The following AACS variants were observed in gnomAD, a reference collection of about 807,000 sequenced individuals.
AACS encodes the protein acetoacetate-CoA ligase.
Under a neutral mutation model 83.1 loss-of-function variants are expected in AACS, and 69 were observed. The observed-to-expected ratio is 0.83, with a 90% CI of 0.68 to 1.01. The LOEUF is 1.01. Ranked by LOEUF, AACS falls within the 50% of genes least tolerant of loss-of-function variation. The probability of loss-of-function intolerance (pLI) is 0.00; values close to 1 mark genes in which losing one functional copy is unlikely to be tolerated. For missense variants in AACS, 866 were observed against 882.2 expected, an observed-to-expected ratio of 0.98 and a Z score of 0.23; for synonymous variants, 333 against 343.4, an observed-to-expected ratio of 0.97 and a Z score of 0.33.
Position 125,065,564 on chromosome 12 carries a change from C to T in AACS, c.-21C>T, listed in dbSNP as rs1265709156. ...CCCTGGTCCCCAGCCCTCGTCGCAGCCCCGGCCGCCCGCCGCCGCCATGTC... is the reference window on the plus strand; with the variant it reads ...CCCTGGTCCCCAGCCCTCGTCGCAGTCCCGGCCGCCCGCCGCCGCCATGTC... On this transcript the variant is annotated 5_prime_UTR_variant, in exon 1 of 18. Coordinates refer to ENST00000316519, the MANE Select transcript of AACS (RefSeq NM_023928.5). 1.5e-5 allele frequency: 22 copies of T among 1,502,990 alleles called. No individual in the cohort carries two copies. Among genetic ancestry groups the T allele is most frequent in the African/African-American group, 2.9e-5 (2 of 68,624 alleles). 93.1% of individuals were successfully genotyped at this position (1,502,990 alleles called of 1,614,324 possible).
chr12:125,076,960 C>G (rs1359917239), intron 3 of AACS, among the ~76,000 whole-genome samples: 1 of 151,954 alleles, frequency 6.6e-6, no homozygotes, highest in African/African-American at 2.4e-5. Flanking sequence ...CTGGAGTGCA[C>G]TGGCATGATC....
chr12:125,074,240 T>C (rs1955956986), intron 2 of AACS, among the ~76,000 whole-genome samples: 1 of 152,084 alleles, frequency 6.6e-6, no homozygotes, highest in Non-Finnish European at 1.5e-5. Context: ...TGTTTGTTTG[T>C]TTGTTTGTTT....
In AACS at chr12:125,129,529, G is replaced by A. The variant is rs1957299069; in HGVS notation, c.1549+69G>A. 4.5e-6 allele frequency: 7 copies of A among 1,554,024 alleles called. No homozygotes were observed. Among genetic ancestry groups the A allele is most frequent in the Middle Eastern group, 1.7e-4 (1 of 5,802 alleles). On this transcript the variant is annotated intron_variant, in intron 14 of 17. Coordinates refer to ENST00000316519, the MANE Select transcript of AACS (RefSeq NM_023928.5). This position sits in a 1 kb window ranked among gnomAD's most constrained non-coding sequence, Gnocchi z 4.3. ...GGCTGGGCCTTCTGTGTCTAATTCTGTACCATCGTGCCCCTCCCCTCTTCC... is the reference window on the plus strand; with the variant it reads ...GGCTGGGCCTTCTGTGTCTAATTCTATACCATCGTGCCCCTCCCCTCTTCC...
At chr12:125,091,067 C>T (rs1028574139) in intron 4 of AACS, 25 of 304,516 alleles carry the variant, frequency 8.2e-5, no homozygotes, top group Admixed American at 7.2e-4. Flanking sequence ...TGCTGGTGTG[C>T]GTGGAGGAGT....
intron 1 of AACS, among the ~76,000 whole-genome samples, chr12:125,067,765 C>G (rs988624667): frequency 6.6e-6 from 1 of 152,110 alleles, no homozygotes; most frequent in Non-Finnish European, 1.5e-5. Context: ...AACTCCTGAC[C>G]TCAGGTGATC....
chr12:125,112,985 A>G (rs1956985041), intron 8 of AACS, among the ~76,000 whole-genome samples: 1 of 152,234 alleles, frequency 6.6e-6, no homozygotes, highest in African/African-American at 2.4e-5. Flanking sequence ...GAATTATGGG[A>G]ATACAATTCA....
Position 125,103,005 on chromosome 12 carries a change from C to T in AACS, c.691C>T (p.Pro231Ser), listed in dbSNP as rs777020829. Residue 231 changes from proline (P) to serine (S), a missense_variant, in exon 7 of 18, where the codon CCA becomes TCA. By Grantham distance (74) the Pro-to-Ser change is moderately conservative (BLOSUM62 -1). Transcript: ENST00000316519. ...TCTCCTCTCGCTCCTTCCAGGCCTACCAGACTTGAAGAAAGTGGTGGTGAT... is the reference window on the plus strand; with the variant it reads ...TCTCCTCTCGCTCCTTCCAGGCCTATCAGACTTGAAGAAAGTGGTGGTGAT... ...EKLQQVVKGLPDLKKVVVIPY... is the reference protein window; with the variant it reads ...EKLQQVVKGLSDLKKVVVIPY... The T allele has an allele frequency of 2.5e-6, 4 of 1,613,634 alleles. No individual in the cohort carries two copies. In the South Asian group the frequency reaches 3.3e-5, roughly 13 times the overall value.
At chr12:125,098,866 C>T (rs1285440313) in intron 5 of AACS, among the ~76,000 whole-genome samples, 1 of 152,228 alleles carries the variant, frequency 6.6e-6, no homozygotes, top group African/African-American at 2.4e-5. Context: ...TTTCTGGTGA[C>T]TTTCACAGAT....
At chr12:125,085,464 C>T (rs77426244) in intron 3 of AACS, among the ~76,000 whole-genome samples, 23,535 of 152,038 alleles carry the variant, frequency 0.15, 1,935 homozygotes, top group Middle Eastern at 0.25. Flanking sequence ...GTTGCATCCA[C>T]GTGTGTTTCG....
chr12:125,107,754 G>A (rs1049602644), intron 8 of AACS, among the ~76,000 whole-genome samples: 2 of 152,176 alleles, frequency 1.3e-5, no homozygotes, highest in African/African-American at 4.8e-5. Flanking sequence ...TTGAGCCCAG[G>A]AGTTTGAGAC....
intron 3 of AACS, among the ~76,000 whole-genome samples, chr12:125,080,002 G>A (rs1204714156): frequency 6.6e-6 from 1 of 152,140 alleles, no homozygotes; most frequent in African/African-American, 2.4e-5. Flanking sequence ...GTGTTACCAA[G>A]GTTCATCCAC....
In AACS at chr12:125,129,600, A is replaced by G; in HGVS notation, c.1549+140A>G. The G allele has an allele frequency of 7.2e-6, 8 of 1,107,288 alleles. No individual in the cohort carries two copies. Among genetic ancestry groups the G allele is most frequent in the African/African-American group, 1.6e-5 (1 of 62,926 alleles). The allele number at this position is 1,107,288 out of a possible 1,614,324, so 68.6% of individuals were successfully genotyped here. A position where few individuals can be genotyped will look rare whatever the true frequency, so the allele number is the denominator to read the frequency against. On this transcript the variant is annotated intron_variant, in intron 14 of 17. Coordinates refer to ENST00000316519, the MANE Select transcript of AACS (RefSeq NM_023928.5). This position sits in a 1 kb window ranked among gnomAD's most constrained non-coding sequence, Gnocchi z 4.3. ...GAAGCTGCTTATAGTTCATTCCGCC[A>G]GTGGGGGGATAATGAATTTTTGATC...
At chr12:125,132,805 G>A (rs1941718704) in intron 14 of AACS, among the ~76,000 whole-genome samples, 1 of 152,168 alleles carries the variant, frequency 6.6e-6, no homozygotes, top group African/African-American at 2.4e-5. Flanking sequence ...CCCATAGAAG[G>A]CTTGGTGGTG....
chr12:125,118,817 G>A lies in AACS; in HGVS notation c.1121+52G>A, dbSNP rs113075195. The A allele has an allele frequency of 5.1e-4, 825 of 1,602,650 alleles. 6 individuals carry two copies. The African/African-American group carries it at 9.1e-3, about 18-fold the overall frequency. ...GCAAGGGACAGGCAGCACCAGGAAG[G>A]CTCCTTGGGATCAGATGCAGAGCTG... On this transcript the variant is annotated intron_variant, in intron 10 of 17. Transcript: ENST00000316519.
chr12:125,128,273 A>T lies in AACS; in HGVS notation c.1422A>T (p.Glu474Asp). The change falls in exon 13 of 18, where the codon GAA (glutamate) becomes GAT (aspartate). Residue 474 changes from glutamate to aspartate, a missense_variant and splice_region_variant. Transcript: ENST00000316519. ...TGGCCGTGGAAGCGTGGAACGAGGA[A>T]GGTGATGGCTCCACCAACTGTTTCT... ...LGMAVEAWNE[E>D]GKAVWGESGE... 6.2e-7 allele frequency: 1 copy of T among 1,610,826 alleles called. No homozygotes were observed. The highest frequency in any genetic ancestry group is 2.2e-5 in the East Asian group (1 of 44,750).
In AACS at chr12:125,094,739, C is replaced by T. The variant is rs1422118012; in HGVS notation, c.570+3216C>T. On this transcript the variant is annotated intron_variant, in intron 5 of 17. Transcript: ENST00000316519. This position sits in a 1 kb window ranked among gnomAD's most constrained non-coding sequence, Gnocchi z 4.1. ...CTTGCCTTACTAATGCTTTTGGGCT[C>T]GAAGGGCATCGCCAGGTTGGGGAAG... 6.6e-6 allele frequency among the ~76,000 whole-genome samples: 1 copy of T among 152,198 alleles called. No individual in the cohort carries two copies. Among genetic ancestry groups the T allele is most frequent in the Admixed American group, 6.5e-5 (1 of 15,278 alleles).
intron 2 of AACS, among the ~76,000 whole-genome samples, chr12:125,074,450 G>A (rs1156807582): frequency 6.6e-6 from 1 of 151,930 alleles, no homozygotes; most frequent in Non-Finnish European, 1.5e-5. Context: ...AGGAGGCTGA[G>A]GTGGGAGGAT....
chr12:125,130,069 G>A lies in AACS; in HGVS notation c.1549+609G>A, dbSNP rs532106836. Among the ~76,000 whole-genome samples, 15 of 152,120 alleles carry A rather than the reference G, an allele frequency of 9.9e-5. No homozygotes were observed. The highest frequency in any genetic ancestry group is 2.1e-4 in the Non-Finnish European group (14 of 68,014). On this transcript the variant is annotated intron_variant, in intron 14 of 17. Transcript: ENST00000316519. This position sits in a 1 kb window ranked among gnomAD's most constrained non-coding sequence, Gnocchi z 4.9. The stretch of plus-strand genomic sequence containing the variant: ...CTAATCTTATTTCATAAGCAGTCTC[G>A]AGTTACTGCTGCTATATAATTCATC...
At position 125,140,991 on chromosome 12, in the gene AACS, A is replaced by ATAG. The variant is rs1593018109; in HGVS notation, c.1882-1097_1882-1095dup. 1 of 152,262 alleles carries ATAG rather than the reference A, an allele frequency of 6.6e-6. No homozygotes were observed. Among genetic ancestry groups the ATAG allele is most frequent in the African/African-American group, 2.4e-5 (1 of 41,466 alleles). The allele number at this position is 152,262 out of a possible 1,614,324, so 9.4% of individuals were successfully genotyped here. ...AATAAAAGTAAAATCATCATAAAACATAGTAGCTAGGCACTTCTGAAGCTG... is the reference window on the plus strand; with the variant it reads ...AATAAAAGTAAAATCATCATAAAACATAGTAGTAGCTAGGCACTTCTGAAGCTG... On this transcript the variant is annotated intron_variant, in intron 17 of 17. Transcript: ENST00000316519. The surrounding 1 kb of genome is among the most constrained non-coding windows in gnomAD (Gnocchi z 5.1).
Sources: gnomAD v4.1 joint callset for allele counts (sites outside exome capture counted in the v4.1 genomes callset) on GRCh38, gnomAD v4.1.1 for gene constraint, Gnocchi (gnomAD v3.1) non-coding constraint, MANE v1.5 for transcripts, NCBI Gene and HGNC (gene_info 2026-07-23, HGNC 2026-07-21) for gene names.